USP1: variants seen among roughly 807,000 people sequenced by gnomAD.
The protein encoded by USP1 is ubiquitin carboxyl-terminal hydrolase 1.
Under a neutral mutation model 72.2 loss-of-function variants are expected in USP1, and 18 were observed. That is an observed-to-expected ratio of 0.25 (90% CI 0.17 to 0.37). The LOEUF is 0.37. Among genes scored for constraint, USP1 ranks in the 10% least tolerant of loss-of-function variants. USP1 has a pLI of 1.00. For synonymous variants in USP1, 354 were observed against 303.7 expected, an observed-to-expected ratio of 1.17 and a Z score of -1.72; for missense variants, 759 against 884.9, an observed-to-expected ratio of 0.86 and a Z score of 1.81.
At chr1:62,447,226 C>T (rs1451039925) in intron 6 of USP1, 115 bp from the exon 7 acceptor site, 2 of 1,019,668 alleles carry the variant, frequency 2.0e-6, no homozygotes, top group Admixed American at 3.0e-5. Context: ...ATAAGCTGAT[C>T]TATGAAAATG....
At chr1:62,450,211 A>G in intron 8 of USP1, 35 bp from the exon 9 acceptor site, 1 of 1,570,484 alleles carries the variant, frequency 6.4e-7, no homozygotes, top group Non-Finnish European at 8.6e-7. Flanking sequence ...TTAAAATAGA[A>G]CTGCAGGAAA....
In USP1 at chr1:62,445,138, A is replaced by G. The variant is rs1557556090; in HGVS notation, c.958A>G (p.Lys320Glu). Residue 320 changes from lysine to glutamate, a missense_variant, in exon 6 of 9, where the codon AAG becomes GAG. Lys to Glu is a moderately conservative substitution (Grantham distance 56). Coordinates refer to ENST00000339950, the MANE Select transcript of USP1 (RefSeq NM_003368.5). The part of the protein sequence containing the change: ...TLESPPKIIP[K>E]YISENESPRP... ...AGAGAGTCCTCCTAAAATAATTCCC[A>G]AGTATATTTCTGAAAATGAGAGTCC... 6.2e-7 allele frequency: 1 copy of G among 1,613,614 alleles called. No homozygotes were observed. The highest frequency in any genetic ancestry group is 8.5e-7 in the Non-Finnish European group (1 of 1,179,878).
At chr1:62,440,918 C>A (rs1645130320) in intron 2 of USP1, among the ~76,000 whole-genome samples, 1 of 152,046 alleles carries the variant, frequency 6.6e-6, no homozygotes, top group African/African-American at 2.4e-5. Context: ...AATTCCTGGG[C>A]TCGAGCAGTC....
At chr1:62,439,329 C>T (rs911091891) in intron 1 of USP1, among the ~76,000 whole-genome samples, 8 of 152,074 alleles carry the variant, frequency 5.3e-5, no homozygotes, top group African/African-American at 1.9e-4. Flanking sequence ...GGATTACAGG[C>T]GCCCGCCAGC....
intron 3 of USP1, among the ~76,000 whole-genome samples, chr1:62,441,989 T>C (rs550761394): frequency 2.0e-5 from 3 of 152,190 alleles, no homozygotes; most frequent in Non-Finnish European, 4.4e-5. Context: ...TAGCAATATC[T>C]GCCCAGGTGC....
intron 1 of USP1, among the ~76,000 whole-genome samples, chr1:62,437,857 A>T (rs1286690514): frequency 3.3e-5 from 5 of 152,236 alleles, no homozygotes; most frequent in Admixed American, 3.3e-4. Flanking sequence ...CGCGTGTCTT[A>T]AACCTTGGCG....
At chr1:62,442,121 G>T in intron 3 of USP1, 74 bp from the exon 4 acceptor site, 1 of 1,025,446 alleles carries the variant, frequency 9.8e-7, no homozygotes, top group Non-Finnish European at 1.4e-6. Context: ...TCTATAGAAA[G>T]CATGATGTTG....
intron 2 of USP1, 58 bp downstream of exon 2, chr1:62,440,095 G>T: frequency 7.4e-7 from 1 of 1,343,760 alleles, no homozygotes; most frequent in Non-Finnish European, 9.7e-7. Flanking sequence ...CAGTGAACTT[G>T]GTTGACAACT....
At chr1:62,443,520 T>C (rs1645147953) in intron 5 of USP1, among the ~76,000 whole-genome samples, 1 of 152,234 alleles carries the variant, frequency 6.6e-6, no homozygotes, top group Non-Finnish European at 1.5e-5. Flanking sequence ...CTGAACATAT[T>C]ATATGAGGCT....
At chr1:62,445,904 G>A (rs575614348) in intron 6 of USP1, among the ~76,000 whole-genome samples, 30 of 152,166 alleles carry the variant, frequency 2.0e-4, no homozygotes, top group African/African-American at 6.7e-4. Flanking sequence ...GCCTGAACCC[G>A]GGAGGTGGAG....
Position 62,444,934 on chromosome 1 carries a change from G to A in USP1, c.754G>A (p.Asp252Asn), listed in dbSNP as rs765249179. The A allele has an allele frequency of 6.2e-7, 1 of 1,613,720 alleles. No homozygotes were observed. The highest frequency in any genetic ancestry group is 8.5e-7 in the Non-Finnish European group (1 of 1,179,844). ...EMNGINSIEM[D>N]SMRHSEDFKE... ...GAATGGTATTAACAGCATAGAGATGGACAGTATGAGGCATTCTGAAGACTT... is the reference window on the plus strand; with the variant it reads ...GAATGGTATTAACAGCATAGAGATGAACAGTATGAGGCATTCTGAAGACTT... The change falls in exon 6 of 9, where the codon GAC becomes AAC. Residue 252 changes from aspartate (D) to asparagine (N), a missense_variant. Physicochemically the swap from Asp to Asn is conservative, Grantham distance 23. Coordinates refer to ENST00000339950, the MANE Select transcript of USP1 (RefSeq NM_003368.5).
chr1:62,445,628 A>ATGTG (rs200414459), intron 6 of USP1, among the ~76,000 whole-genome samples, 199 bp downstream of exon 6: 8 of 117,198 alleles, frequency 6.8e-5, no homozygotes, highest in East Asian at 2.2e-4. Context: ...ATGCATATAT[A>ATGTG]TGTGTGTGTG....
Position 62,443,278 on chromosome 1 carries a change from T to C in USP1, c.516T>C (p.Asp172=). 1 of 1,613,716 alleles carries C rather than the reference T, an allele frequency of 6.2e-7. No homozygotes were observed. The highest frequency in any genetic ancestry group is 8.5e-7 in the Non-Finnish European group (1 of 1,179,900). Reference sequence around the variant, plus strand: ...TCTTAAATCCAGAGAAATATACTGATGAACTTGCCACTCAGCCAAGGCGAC... The same window carrying C: ...TCTTAAATCCAGAGAAATATACTGACGAACTTGCCACTCAGCCAAGGCGAC... The part of the protein sequence containing the change: ...SFLLNPEKYT[D]ELATQPRRLL... Residue 172 remains aspartate (D), a synonymous_variant, in exon 5 of 9, where the codon GAT becomes GAC. Transcript: ENST00000339950.
At chr1:62,442,438 AT>A (rs1557554469) in intron 4 of USP1, 139 bp downstream of exon 4, 1 of 611,378 alleles carries the variant, frequency 1.6e-6, no homozygotes, top group Non-Finnish European at 2.8e-6. Context: ...TCAGGCAATT[AT>A]TTTTCATTCT....
Position 62,445,305 on chromosome 1 carries a change from A to G in USP1, c.1125A>G (p.Glu375=). 6.2e-7 allele frequency: 1 copy of G among 1,613,682 alleles called. No homozygotes were observed. Among genetic ancestry groups the G allele is most frequent in the Middle Eastern group, 1.7e-4 (1 of 6,056 alleles). ...QGVKGQSKEN[E]CDPEEDLGKC... ...TCAAAGGACAATCTAAAGAAAATGA[A>G]TGTGATCCTGAAGAGGACTTGGGGA... is the stretch of plus-strand genomic sequence containing the variant. Residue 375 remains glutamate (E), a synonymous_variant, in exon 6 of 9, where the codon GAA becomes GAG. Transcript: ENST00000339950.
rs1272811432 is a variant in USP1, at chr1:62,444,950, C to T, written c.770C>T (p.Ser257Phe). ...NSIEMDSMRHSEDFKEKLPKG... is the reference protein window; with the variant it reads ...NSIEMDSMRHFEDFKEKLPKG... ...ATAGAGATGGACAGTATGAGGCATT[C>T]TGAAGACTTTAAAGAGAAACTCCCA... Residue 257 changes from serine to phenylalanine, a missense_variant, in exon 6 of 9, where the codon TCT (serine) becomes TTT (phenylalanine). Ser to Phe is a radical substitution (Grantham distance 155). Around this residue, in one of 9 missense-constraint regions of USP1, gnomAD observed 245 missense variants for 240.7 expected, o/e 1.02. Coordinates refer to ENST00000339950, the MANE Select transcript of USP1 (RefSeq NM_003368.5). 1.9e-6 allele frequency: 3 copies of T among 1,613,526 alleles called. No individual in the cohort carries two copies. Among genetic ancestry groups the T allele is most frequent in the African/African-American group, 1.3e-5 (1 of 74,846 alleles).
At chr1:62,444,194 G>A (rs758604684) in intron 5 of USP1, among the ~76,000 whole-genome samples, 14 of 150,488 alleles carry the variant, frequency 9.3e-5, no homozygotes, top group Middle Eastern at 3.4e-3. Context: ...GGGAGGCGGC[G>A]GTTGCAGTGA....
rs1310476750 is a variant in USP1, at chr1:62,439,940, T to G, written c.73T>G (p.Leu25Val). 1.3e-6 allele frequency: 2 copies of G among 1,569,034 alleles called. No homozygotes were observed. Among genetic ancestry groups the G allele is most frequent in the East Asian group, 2.3e-5 (1 of 43,272 alleles). Residue 25 changes from leucine to valine, a missense_variant, in exon 2 of 9, where the codon TTA becomes GTA. This residue lies in a region of USP1 where 86 missense variants were observed against 82.0 expected (regional missense o/e 1.05). Coordinates refer to ENST00000339950, the MANE Select transcript of USP1 (RefSeq NM_003368.5). ...GSPSKKNRLS[L>V]KFFQKKETKR... ...CCCTTCAAAGAAAAACAGACTTTCC[T>G]TAAAGTTTTTTCAGAAAAAGGAAAC...
chr1:62,437,682 G>T (rs1006156625), intron 1 of USP1, among the ~76,000 whole-genome samples: 2 of 152,242 alleles, frequency 1.3e-5, no homozygotes, highest in Admixed American at 1.3e-4. Context: ...CCCCGACCGG[G>T]CAGCCTGGTC....
Sources: allele counts gnomAD v4.1 joint callset (sites outside exome capture counted in the v4.1 genomes callset), GRCh38; gene constraint gnomAD v4.1.1; regional missense constraint gnomAD v4.1.1; transcripts MANE v1.5; gene names NCBI Gene and HGNC (gene_info 2026-07-23, HGNC 2026-07-21).